Variants in ROBO2 observed in about 807,000 individuals in gnomAD.
The protein encoded by ROBO2 is roundabout guidance receptor 2, also known as roundabout homolog 2.
ROBO2 carries 53 observed loss-of-function variants against 160.8 expected under a neutral mutation model. The ratio of observed to expected loss-of-function variants is 0.33; its 90% CI spans 0.26 to 0.41. The LOEUF (loss-of-function observed/expected upper bound fraction) is 0.41, where lower values mean the gene tolerates loss of function less well. Among genes scored for constraint, ROBO2 ranks in the 10% least tolerant of loss-of-function variants. The probability of loss-of-function intolerance (pLI) is 1.00; values close to 1 mark genes in which losing one functional copy is unlikely to be tolerated. For synonymous variants in ROBO2, 664 were observed against 611.7 expected, an observed-to-expected ratio of 1.09 and a Z score of -1.26; for missense variants, 1,577 against 1,722.4, an observed-to-expected ratio of 0.92 and a Z score of 1.49.
rs936935227 is a variant in ROBO2 at position 76,655,247 on chromosome 3, C to T, written c.110-442767C>T. Among the ~76,000 whole-genome samples the T allele has an allele frequency of 2.0e-5, 3 of 150,002 alleles. No homozygotes were observed. In the Admixed American group the frequency reaches 2.0e-4, roughly 10 times the overall value. On this transcript the variant is annotated intron_variant, in intron 2 of 26. Coordinates refer to the ROBO2 transcript ENST00000487694. ...CTGAAGAAATAGATTGTCATCTGTTCTACCATAAAATATTATATAGCCTTG... is the reference window on the plus strand; with the variant it reads ...CTGAAGAAATAGATTGTCATCTGTTTTACCATAAAATATTATATAGCCTTG...
intron 2 of ROBO2, among the ~76,000 whole-genome samples, chr3:76,673,300 A>C (rs567126026): frequency 1.3e-5 from 2 of 152,290 alleles, no homozygotes; most frequent in Admixed American, 6.5e-5. Context: ...CTTCATTGAG[A>C]TCGGAAACAT....
intron 2 of ROBO2, among the ~76,000 whole-genome samples, chr3:76,586,963 T>A (rs962930064): frequency 2.6e-5 from 4 of 152,222 alleles, no homozygotes; most frequent in Non-Finnish European, 4.4e-5. Context: ...CCTTGTGACT[T>A]CAAAAGTCTT....
At chr3:77,064,874 G>A (rs960377519) in intron 1 of ROBO2, among the ~76,000 whole-genome samples, 4 of 152,088 alleles carry the variant, frequency 2.6e-5, no homozygotes, top group African/African-American at 9.7e-5. Flanking sequence ...GTATTCACAG[G>A]TATCATTTTT....
At chr3:76,428,867 C>G (rs1451489289) in intron 2 of ROBO2, among the ~76,000 whole-genome samples, 1 of 152,118 alleles carries the variant, frequency 6.6e-6, no homozygotes, top group Non-Finnish European at 1.5e-5. Flanking sequence ...CGACAGTCAT[C>G]TTCACGGTCG....
intron 2 of ROBO2, among the ~76,000 whole-genome samples, chr3:76,992,383 TA>T (rs551383639): frequency 5.9e-5 from 8 of 135,078 alleles, no homozygotes; most frequent in Admixed American, 3.0e-4. Context: ...TTAGCTTTTG[TA>T]AAAAAAAAGT....
intron 2 of ROBO2, among the ~76,000 whole-genome samples, chr3:76,877,868 A>C (rs2072921950): frequency 6.6e-6 from 1 of 152,146 alleles, no homozygotes; most frequent in Admixed American, 6.5e-5. Context: ...AGAGAGAGAG[A>C]GGAAGAAGTA....
chr3:77,421,469 GT>G (rs1443585753), intron 2 of ROBO2, among the ~76,000 whole-genome samples: 5 of 152,074 alleles, frequency 3.3e-5, no homozygotes, highest in Non-Finnish European at 7.4e-5. Context: ...GTTTGTGTAA[GT>G]ATTTCTGTAA....
At chr3:76,149,293 T>G (rs920126363) in intron 2 of ROBO2, among the ~76,000 whole-genome samples, 7 of 152,094 alleles carry the variant, frequency 4.6e-5, no homozygotes, top group Non-Finnish European at 7.4e-5. Flanking sequence ...ACATTATCAC[T>G]TCCTACTTAA....
At chr3:76,787,997 T>C (rs1387604445) in intron 2 of ROBO2, among the ~76,000 whole-genome samples, 2 of 151,316 alleles carry the variant, frequency 1.3e-5, no homozygotes, top group African/African-American at 4.8e-5. Context: ...GAGAACAGCT[T>C]AGAACAAACT....
intron 2 of ROBO2, among the ~76,000 whole-genome samples, chr3:76,410,948 A>AC (rs2108833394): frequency 6.6e-6 from 1 of 152,288 alleles, no homozygotes; most frequent in East Asian, 1.9e-4. Flanking sequence ...TCAACAACTC[A>AC]GAGTGAGTGT....
intron 2 of ROBO2, among the ~76,000 whole-genome samples, chr3:76,582,998 TG>T (rs2085798066): frequency 6.6e-6 from 1 of 150,530 alleles, no homozygotes; most frequent in Non-Finnish European, 1.5e-5. Context: ...AATGTTTCCT[TG>T]GTGTGTGTTT....
At chr3:76,227,341 C>T (rs1295040644) in intron 2 of ROBO2, among the ~76,000 whole-genome samples, 1 of 152,086 alleles carries the variant, frequency 6.6e-6, no homozygotes, top group Non-Finnish European at 1.5e-5. Flanking sequence ...GCAATTTTCA[C>T]CCATGTTTCA....
chr3:76,952,088 G>C (rs986654894), intron 2 of ROBO2, among the ~76,000 whole-genome samples: 2 of 152,174 alleles, frequency 1.3e-5, no homozygotes, highest in Non-Finnish European at 2.9e-5. Context: ...TCAGTAGCAT[G>C]TGAGACTGAT....
chr3:76,114,132 A>G (rs1409155248), intron 2 of ROBO2, among the ~76,000 whole-genome samples: 1 of 152,174 alleles, frequency 6.6e-6, no homozygotes, highest in South Asian at 2.1e-4. Flanking sequence ...AAATGGAACA[A>G]CATACCTCAT....
intron 2 of ROBO2, among the ~76,000 whole-genome samples, chr3:76,926,819 T>C (rs568972532): frequency 1.3e-5 from 2 of 152,254 alleles, no homozygotes; most frequent in South Asian, 4.1e-4. Context: ...TTGAGGACAC[T>C]CTAGCTCGCA....
intron 2 of ROBO2, among the ~76,000 whole-genome samples, chr3:77,277,145 TTTCC>T (rs1458720726): frequency 8.6e-6 from 1 of 116,226 alleles, no homozygotes; most frequent in South Asian, 3.2e-4. Context: ...TTCTTCCTTC[TTTCC>T]TTCTTTCCTT....
chr3:76,487,389 G>T (rs2079557243), intron 2 of ROBO2, among the ~76,000 whole-genome samples: 1 of 151,966 alleles, frequency 6.6e-6, no homozygotes, highest in Admixed American at 6.6e-5. Context: ...ATGTAAAAAT[G>T]TAAAAAAATG....
At chr3:76,991,557 C>T (rs980223473) in intron 2 of ROBO2, among the ~76,000 whole-genome samples, 1 of 152,068 alleles carries the variant, frequency 6.6e-6, no homozygotes, top group Non-Finnish European at 1.5e-5. Context: ...TGTTGTTTTG[C>T]TTTTTATCAC....
At chr3:77,088,482 A>T (rs916566569) in intron 1 of ROBO2, among the ~76,000 whole-genome samples, 1 of 152,138 alleles carries the variant, frequency 6.6e-6, no homozygotes, top group African/African-American at 2.4e-5. Context: ...GATTTGCTGC[A>T]CCTGTCAATC....
Sources: allele counts gnomAD v4.1 joint callset (sites outside exome capture counted in the v4.1 genomes callset), GRCh38; gene constraint gnomAD v4.1.1; transcripts MANE v1.5; gene names NCBI Gene and HGNC (gene_info 2026-07-23, HGNC 2026-07-21).